GRID2: variants seen among roughly 807,000 people sequenced by gnomAD.
GRID2 encodes the protein glutamate ionotropic receptor delta type subunit 2.
Under a neutral mutation model 114.8 loss-of-function variants are expected in GRID2, and 33 were observed. The observed-to-expected ratio is 0.29, with a 90% CI of 0.22 to 0.38. The LOEUF (loss-of-function observed/expected upper bound fraction) is 0.38. Among genes scored for constraint, GRID2 ranks in the 10% least tolerant of loss-of-function variants. The pLI, the probability that GRID2 is intolerant of heterozygous loss-of-function variation, is 1.00. For synonymous variants in GRID2, 505 were observed against 449.9 expected, an observed-to-expected ratio of 1.12 and a Z score of -1.55; for missense variants, 1,184 against 1,257.7, an observed-to-expected ratio of 0.94 and a Z score of 0.89.
At chr4:92,962,351 T>G (rs1752875026) in intron 2 of GRID2, among the ~76,000 whole-genome samples, 1 of 151,884 alleles carries the variant, frequency 6.6e-6, no homozygotes, top group Non-Finnish European at 1.5e-5. Flanking sequence ...TGATTGAGAC[T>G]CGGTCTTTTA....
chr4:93,188,252 G>A (rs1487355423), intron 4 of GRID2, among the ~76,000 whole-genome samples: 1 of 151,940 alleles, frequency 6.6e-6, no homozygotes. Flanking sequence ...AGTCATCCGT[G>A]CCTCCACAGC....
chr4:92,344,810 T>A (rs1186414831), intron 1 of GRID2, among the ~76,000 whole-genome samples: 1 of 152,220 alleles, frequency 6.6e-6, no homozygotes, highest in Non-Finnish European at 1.5e-5. Flanking sequence ...GCCTTCCTTC[T>A]GCCATCTTCT....
At chr4:93,173,207 T>A (rs926194005) in intron 4 of GRID2, among the ~76,000 whole-genome samples, 1 of 152,140 alleles carries the variant, frequency 6.6e-6, no homozygotes, top group African/African-American at 2.4e-5. Flanking sequence ...TCCAATAGAT[T>A]TTTTTGACCA....
At chr4:93,093,722 A>G (rs1174713213) in intron 3 of GRID2, among the ~76,000 whole-genome samples, 1 of 151,952 alleles carries the variant, frequency 6.6e-6, no homozygotes, top group Non-Finnish European at 1.5e-5. Flanking sequence ...CGACAAAGCC[A>G]TAGAAGTCTG....
At chr4:93,727,424 C>T (rs1218373364) in intron 14 of GRID2, among the ~76,000 whole-genome samples, 5 of 152,144 alleles carry the variant, frequency 3.3e-5, no homozygotes, top group Admixed American at 6.5e-5. Context: ...CAATGTTCAT[C>T]GAGGATATTG....
intron 2 of GRID2, among the ~76,000 whole-genome samples, chr4:93,034,308 C>G (rs1023127087): frequency 1.3e-5 from 2 of 152,270 alleles, no homozygotes; most frequent in Admixed American, 1.3e-4. Flanking sequence ...GGCAGACAGT[C>G]TGTCATCTGT....
intron 2 of GRID2, among the ~76,000 whole-genome samples, chr4:93,054,818 G>GA (rs946221938): frequency 4.0e-5 from 6 of 150,732 alleles, no homozygotes; most frequent in Non-Finnish European, 8.9e-5. Context: ...CAAGTTGATT[G>GA]AAAAAAAATC....
chr4:92,591,304 T>C (rs1261405856), intron 2 of GRID2, among the ~76,000 whole-genome samples: 1 of 152,198 alleles, frequency 6.6e-6, no homozygotes, highest in Non-Finnish European at 1.5e-5. Flanking sequence ...GCCCTTGATC[T>C]TGGATTTGCT....
At chr4:92,572,687 A>C (rs1231263972) in intron 1 of GRID2, among the ~76,000 whole-genome samples, 1 of 152,068 alleles carries the variant, frequency 6.6e-6, no homozygotes, top group Admixed American at 6.6e-5. Context: ...TGATCATGGC[A>C]GATAAACTTT....
At chr4:93,760,370 T>C (rs182411971) in intron 14 of GRID2, among the ~76,000 whole-genome samples, 3 of 152,110 alleles carry the variant, frequency 2.0e-5, no homozygotes, top group Non-Finnish European at 2.9e-5. Flanking sequence ...GACATAGACA[T>C]TGTTTTGTGA....
intron 2 of GRID2, among the ~76,000 whole-genome samples, chr4:92,768,437 G>A (rs1042860601): frequency 1.3e-5 from 2 of 152,092 alleles, no homozygotes; most frequent in Non-Finnish European, 2.9e-5. Flanking sequence ...AAACAAGTGT[G>A]GATGGCTTCC....
intron 2 of GRID2, among the ~76,000 whole-genome samples, chr4:92,980,148 G>T (rs1754103421): frequency 6.6e-6 from 1 of 151,996 alleles, no homozygotes; most frequent in African/African-American, 2.4e-5. Flanking sequence ...ATAACTTCAA[G>T]AACCCAATTT....
intron 2 of GRID2, among the ~76,000 whole-genome samples, chr4:92,683,565 G>A (rs1364459461): frequency 6.6e-6 from 1 of 151,628 alleles, no homozygotes; most frequent in Non-Finnish European, 1.5e-5. Flanking sequence ...AGGAAAATGA[G>A]GATGATGAAG....
intron 1 of GRID2, among the ~76,000 whole-genome samples, chr4:92,449,648 T>G (rs2149077020): frequency 6.9e-6 from 1 of 144,294 alleles, no homozygotes; most frequent in African/African-American, 2.5e-5. Context: ...ACTTGTAATA[T>G]AATCAAATAT....
At chr4:92,424,266 A>C (rs150087345) in intron 1 of GRID2, among the ~76,000 whole-genome samples, 1 of 152,084 alleles carries the variant, frequency 6.6e-6, no homozygotes, top group African/African-American at 2.4e-5. Context: ...TTCTTTCTTC[A>C]AAGGACCTGT....
intron 8 of GRID2, among the ~76,000 whole-genome samples, chr4:93,256,428 G>GT (rs35106885): frequency 0.044 from 942 of 21,278 alleles, 6 homozygotes; most frequent in Middle Eastern, 0.25. Context: ...TTAATTTTTG[G>GT]TTTTTTTTTT....
At chr4:93,186,211 G>A (rs112781994) in intron 4 of GRID2, among the ~76,000 whole-genome samples, 8 of 152,150 alleles carry the variant, frequency 5.3e-5, no homozygotes, top group African/African-American at 1.2e-4. Flanking sequence ...ATAAACATAC[G>A]CATGCGTCTT....
intron 1 of GRID2, among the ~76,000 whole-genome samples, chr4:92,540,806 G>C (rs1037355524): frequency 6.6e-6 from 1 of 152,132 alleles, no homozygotes; most frequent in African/African-American, 2.4e-5. Context: ...TATACCCAAA[G>C]GATTATAAAT....
chr4:92,478,954 T>G (rs1722449507), intron 1 of GRID2, among the ~76,000 whole-genome samples: 1 of 152,152 alleles, frequency 6.6e-6, no homozygotes, highest in African/African-American at 2.4e-5. Flanking sequence ...CAATGATTTC[T>G]CAGGATTTAT....
Sources: allele counts gnomAD v4.1 joint callset (sites outside exome capture counted in the v4.1 genomes callset), GRCh38; gene constraint gnomAD v4.1.1; transcripts MANE v1.5; gene names NCBI Gene and HGNC (gene_info 2026-07-23, HGNC 2026-07-21).